The following LCORL variants were observed in gnomAD, a reference collection of about 807,000 sequenced individuals.
LCORL encodes the protein ligand dependent nuclear receptor corepressor like.
Under a neutral mutation model 141.8 loss-of-function variants are expected in LCORL, and 41 were observed. The ratio of observed to expected loss-of-function variants is 0.29; its 90% CI spans 0.23 to 0.38. The LOEUF (loss-of-function observed/expected upper bound fraction) is 0.38, where lower values mean the gene tolerates loss of function less well. Among genes scored for constraint, LCORL ranks in the 10% least tolerant of loss-of-function variants. The probability of loss-of-function intolerance (pLI) is 1.00; values close to 1 mark genes in which losing one functional copy is unlikely to be tolerated. For missense variants in LCORL, 1,759 were observed against 2,035.0 expected (o/e 0.86, Z 2.61); for synonymous variants, 618 against 694.1 (o/e 0.89, Z 1.72).
At chr4:17,875,160 C>A (rs1726784668) in exon 7 of LCORL, 1 of 1,232,436 alleles carries the variant, frequency 8.1e-7, no homozygotes, top group Non-Finnish European at 1.0e-6. Flanking sequence ...AGGAGGCAAG[C>A]AGCTGCTAAT....
At chr4:17,882,649 G>T (rs183095087) in intron 6 of LCORL, 1 of 984,384 alleles carries the variant, frequency 1.0e-6, no homozygotes. Flanking sequence ...ATAATGTATC[G>T]CCCACCAAAA....
intron 4 of LCORL, among the ~76,000 whole-genome samples, chr4:17,931,144 G>C (rs1735972497): frequency 1.3e-5 from 2 of 152,056 alleles, no homozygotes; most frequent in South Asian, 4.1e-4. Flanking sequence ...TTCAATAGTT[G>C]TTATTCTCCC....
intron 1 of LCORL, among the ~76,000 whole-genome samples, chr4:17,995,567 A>C (rs974224237): frequency 1.3e-5 from 2 of 152,164 alleles, no homozygotes; most frequent in African/African-American, 4.8e-5. Context: ...TGATTTCCCT[A>C]ATTTATACTT....
At chr4:18,004,551 C>A (rs1460202863) in intron 1 of LCORL, among the ~76,000 whole-genome samples, 1 of 152,148 alleles carries the variant, frequency 6.6e-6, no homozygotes, top group Non-Finnish European at 1.5e-5. Flanking sequence ...CCACCAGGTT[C>A]CTATCGTGAT....
At chr4:17,953,998 C>G (rs547603886) in intron 4 of LCORL, among the ~76,000 whole-genome samples, 7 of 152,150 alleles carry the variant, frequency 4.6e-5, no homozygotes, top group African/African-American at 1.7e-4. Context: ...CCCGTCTCTA[C>G]TAAAAATACA....
chr4:17,881,747 G>A, intron 6 of LCORL: 2 of 957,190 alleles, frequency 2.1e-6, no homozygotes, highest in Non-Finnish European at 2.5e-6. Flanking sequence ...TAAATATTAT[G>A]TAATGCATTC....
At chr4:17,846,991 C>A (rs370379688) in intron 7 of LCORL, among the ~76,000 whole-genome samples, 17 of 152,110 alleles carry the variant, frequency 1.1e-4, no homozygotes, top group African/African-American at 4.1e-4. Context: ...AGTAATTACT[C>A]AAAAATTCAA....
chr4:18,000,298 A>C (rs1489116519), intron 1 of LCORL, among the ~76,000 whole-genome samples: 1 of 152,186 alleles, frequency 6.6e-6, no homozygotes, highest in Non-Finnish European at 1.5e-5. Flanking sequence ...AAAACAAGCA[A>C]TTAAAAAATA....
chr4:17,906,755 T>C (rs918197894), intron 5 of LCORL, among the ~76,000 whole-genome samples: 1 of 151,656 alleles, frequency 6.6e-6, no homozygotes, highest in African/African-American at 2.4e-5. Flanking sequence ...GGCGCGATCT[T>C]GGCCCACTGC....
chr4:17,882,251 T>C, intron 6 of LCORL: 1 of 984,594 alleles, frequency 1.0e-6, no homozygotes, highest in Non-Finnish European at 1.2e-6. Flanking sequence ...CAGCTAAAAG[T>C]ATTCCTTTTG....
chr4:17,848,238 CAG>C (rs1216534122), intron 7 of LCORL, among the ~76,000 whole-genome samples: 1 of 151,372 alleles, frequency 6.6e-6, no homozygotes, highest in Non-Finnish European at 1.5e-5. Context: ...ACTTAAAAAA[CAG>C]TGGATATGCA....
chr4:18,005,139 G>A (rs1000573100), intron 1 of LCORL, among the ~76,000 whole-genome samples: 5 of 152,136 alleles, frequency 3.3e-5, no homozygotes, highest in Middle Eastern at 3.4e-3. Flanking sequence ...GGCTGGTCTC[G>A]AACTCCTGAC....
At chr4:17,999,653 A>G (rs2109820135) in intron 1 of LCORL, among the ~76,000 whole-genome samples, 1 of 152,338 alleles carries the variant, frequency 6.6e-6, no homozygotes, top group African/African-American at 2.4e-5. Context: ...AAAGCACAAT[A>G]AACTATAAAC....
intron 1 of LCORL, among the ~76,000 whole-genome samples, chr4:17,991,397 C>G (rs922037944): frequency 1.3e-5 from 2 of 152,172 alleles, no homozygotes; most frequent in African/African-American, 2.4e-5. Flanking sequence ...CTATTTGTGT[C>G]ACACAATTCA....
intron 4 of LCORL, among the ~76,000 whole-genome samples, chr4:17,914,249 G>A (rs771029210): frequency 3.9e-5 from 6 of 152,012 alleles, no homozygotes; most frequent in Admixed American, 3.3e-4. Flanking sequence ...ATCTTGCTTT[G>A]TATTATGTAT....
At chr4:17,912,500 G>A in intron 4 of LCORL, 3 of 502,834 alleles carry the variant, frequency 6.0e-6, no homozygotes, top group South Asian at 4.7e-5. Flanking sequence ...GAACTAGACA[G>A]GTTACTGGTC....
chr4:17,993,280 C>T (rs1329658678), intron 1 of LCORL, among the ~76,000 whole-genome samples: 1 of 152,194 alleles, frequency 6.6e-6, no homozygotes, highest in East Asian at 1.9e-4. Flanking sequence ...CCTAGGCTCA[C>T]TGCAACCTCT....
At chr4:18,000,566 T>C (rs1277771212) in intron 1 of LCORL, among the ~76,000 whole-genome samples, 1 of 151,828 alleles carries the variant, frequency 6.6e-6, no homozygotes, top group Non-Finnish European at 1.5e-5. Flanking sequence ...TACAGTTACA[T>C]ATTAGAATAT....
At chr4:17,924,277 C>A (rs533741097) in intron 4 of LCORL, among the ~76,000 whole-genome samples, 56 of 152,312 alleles carry the variant, frequency 3.7e-4, no homozygotes, top group African/African-American at 1.3e-3. Flanking sequence ...TCTGTGGACA[C>A]CACTCAGCCT....
Sources: allele counts gnomAD v4.1 joint callset (sites outside exome capture counted in the v4.1 genomes callset), GRCh38; gene constraint gnomAD v4.1.1; transcripts MANE v1.5; gene names NCBI Gene and HGNC (gene_info 2026-07-23, HGNC 2026-07-21).